The following ELF1 variants were observed in gnomAD, a reference collection of about 807,000 sequenced individuals.
ELF1 encodes the protein ETS-related transcription factor Elf-1.
ELF1 carries 24 observed loss-of-function variants against 59.9 expected under a neutral mutation model. The ratio of observed to expected loss-of-function variants is 0.40; its 90% CI spans 0.29 to 0.56. The LOEUF (loss-of-function observed/expected upper bound fraction) is 0.56. Ranked by LOEUF, ELF1 falls within the 20% of genes least tolerant of loss-of-function variation. ELF1 has a pLI of 0.44. For missense variants in ELF1, 627 were observed against 742.2 expected (o/e 0.84, Z 1.80); for synonymous variants, 248 against 266.2 (o/e 0.93, Z 0.67).
intron 2 of ELF1, among the ~76,000 whole-genome samples, chr13:40,963,063 G>T (rs1277822586): frequency 2.0e-5 from 3 of 152,066 alleles, no homozygotes; most frequent in Non-Finnish European, 2.9e-5. Flanking sequence ...TGCTTTACGT[G>T]AATTATCACT....
intron 1 of ELF1, among the ~76,000 whole-genome samples, chr13:41,013,726 C>G (rs924153685): frequency 5.3e-5 from 8 of 151,350 alleles, no homozygotes; most frequent in Non-Finnish European, 1.2e-4. Flanking sequence ...TATTTAAACT[C>G]TATGTTTTAT....
intron 1 of ELF1, among the ~76,000 whole-genome samples, chr13:40,993,752 TG>T (rs959549500): frequency 2.6e-5 from 4 of 152,154 alleles, no homozygotes; most frequent in African/African-American, 9.7e-5. Flanking sequence ...CCCAAAGTGC[TG>T]GGATTATAGG....
intron 1 of ELF1, among the ~76,000 whole-genome samples, chr13:40,988,680 C>G (rs1482121677): frequency 1.3e-5 from 2 of 152,188 alleles, no homozygotes; most frequent in Admixed American, 1.3e-4. Flanking sequence ...TCTTGCCTTA[C>G]ATTTTCACTC....
intron 1 of ELF1, among the ~76,000 whole-genome samples, chr13:41,045,766 G>A (rs1415358176): frequency 6.6e-6 from 1 of 152,170 alleles, no homozygotes; most frequent in East Asian, 1.9e-4. Context: ...GTTGATTTGG[G>A]GTGGAGAGTT....
intron 1 of ELF1, among the ~76,000 whole-genome samples, chr13:40,984,799 A>G (rs1162367060): frequency 6.6e-6 from 1 of 152,226 alleles, no homozygotes; most frequent in East Asian, 1.9e-4. Context: ...GCAAAATGAC[A>G]TTGTGCCAAT....
intron 6 of ELF1, 119 bp from the exon 7 acceptor site, chr13:40,943,263 A>AGG: frequency 1.1e-6 from 1 of 883,550 alleles, no homozygotes; most frequent in Admixed American, 3.2e-5. Context: ...TACATAATTC[A>AGG]GTTAGTATTG....
intron 1 of ELF1, among the ~76,000 whole-genome samples, chr13:41,009,553 A>G (rs1320798399): frequency 6.6e-6 from 1 of 152,204 alleles, no homozygotes; most frequent in Non-Finnish European, 1.5e-5. Flanking sequence ...ACTACTGCCA[A>G]TATGATGGAT....
At position 40,932,698 on chromosome 13, in the gene ELF1, A is replaced by G. The variant is rs1305952670; in HGVS notation, c.*727T>C. ...GACATAACTTGAAAATATAGGTATT[A>G]GAATTAAAAAAATTAGAACTAGAAG... On this transcript the variant is annotated 3_prime_UTR_variant, in exon 9 of 9. Transcript: ENST00000239882. 1 of 152,232 alleles carries G rather than the reference A, an allele frequency of 6.6e-6. No individual in the cohort carries two copies. Among genetic ancestry groups the G allele is most frequent in the Non-Finnish European group, 1.5e-5 (1 of 68,038 alleles). The allele number at this position is 152,232 out of a possible 1,614,324, so 9.4% of individuals were successfully genotyped here. A position where few individuals can be genotyped will look rare whatever the true frequency, so the allele number is the denominator to read the frequency against.
At chr13:40,943,232 T>C (rs1870296808) in intron 6 of ELF1, 88 bp from the exon 7 acceptor site, 1 of 1,113,482 alleles carries the variant, frequency 9.0e-7, no homozygotes, top group South Asian at 2.4e-5. Flanking sequence ...AGAAGTGCCA[T>C]TTATATTTAT....
At chr13:40,977,326 A>G (rs968710412) in intron 2 of ELF1, among the ~76,000 whole-genome samples, 1 of 152,148 alleles carries the variant, frequency 6.6e-6, no homozygotes, top group African/African-American at 2.4e-5. Flanking sequence ...TTGCTCTCCC[A>G]TAGAAGTGCT....
chr13:41,008,999 G>C (rs1311471444), intron 1 of ELF1, among the ~76,000 whole-genome samples: 1 of 151,576 alleles, frequency 6.6e-6, no homozygotes, highest in Non-Finnish European at 1.5e-5. Flanking sequence ...ATGTTGCCTG[G>C]GTTGGACTTG....
chr13:41,006,928 C>T (rs1194895631), intron 1 of ELF1, among the ~76,000 whole-genome samples: 1 of 151,998 alleles, frequency 6.6e-6, no homozygotes, highest in Non-Finnish European at 1.5e-5. Flanking sequence ...TATATTCTTC[C>T]AGCATACTTT....
chr13:41,053,984 T>G (rs1593415662), intron 1 of ELF1, among the ~76,000 whole-genome samples: 2 of 151,676 alleles, frequency 1.3e-5, no homozygotes, highest in Admixed American at 1.3e-4. Context: ...AAAAAGGGTG[T>G]GGGGGGATGT....
chr13:40,957,549 C>G (rs924006801), intron 3 of ELF1, among the ~76,000 whole-genome samples: 1 of 151,940 alleles, frequency 6.6e-6, no homozygotes, highest in Non-Finnish European at 1.5e-5. Context: ...TGTAGCACCC[C>G]CTACCACCCT....
intron 1 of ELF1, among the ~76,000 whole-genome samples, chr13:41,017,172 C>G (rs983009515): frequency 9.9e-5 from 15 of 151,212 alleles, no homozygotes; most frequent in African/African-American, 3.6e-4. Flanking sequence ...AAAAAGAAAA[C>G]TACATTTTCA....
chr13:40,936,517 T>A (rs1474701271), intron 8 of ELF1, among the ~76,000 whole-genome samples: 1 of 151,698 alleles, frequency 6.6e-6, no homozygotes, highest in East Asian at 1.9e-4. Context: ...ACTTTGGGAG[T>A]CCAAGGTGGG....
At chr13:40,949,751 T>C (rs1360945336) in intron 5 of ELF1, 55 bp downstream of exon 5, 3 of 1,579,534 alleles carry the variant, frequency 1.9e-6, no homozygotes, top group South Asian at 1.2e-5. Context: ...AAAAGTGATA[T>C]CTAGATTTCA....
At chr13:41,005,692 C>A (rs1874707055) in intron 1 of ELF1, among the ~76,000 whole-genome samples, 1 of 152,086 alleles carries the variant, frequency 6.6e-6, no homozygotes, top group Middle Eastern at 3.2e-3. Flanking sequence ...CAACTATATA[C>A]AACCAAATAG....
At chr13:40,945,883 G>A (rs1442376901) in intron 5 of ELF1, among the ~76,000 whole-genome samples, 3 of 151,928 alleles carry the variant, frequency 2.0e-5, no homozygotes, top group African/African-American at 4.8e-5. Context: ...TCACTCTGTC[G>A]CTCAGGCTGG....
Sources: allele counts gnomAD v4.1 joint callset (sites outside exome capture counted in the v4.1 genomes callset), GRCh38; gene constraint gnomAD v4.1.1; transcripts MANE v1.5; gene names NCBI Gene and HGNC (gene_info 2026-07-23, HGNC 2026-07-21).